The following FHIT variants were observed in gnomAD, a reference collection of about 807,000 sequenced individuals.
FHIT encodes bis(5'-adenosyl)-triphosphatase.
FHIT carries 19 observed loss-of-function variants against 17.9 expected under a neutral mutation model. The ratio of observed to expected loss-of-function variants is 1.06; its 90% CI spans 0.74 to 1.56. FHIT has a LOEUF of 1.56. Among genes scored for constraint, FHIT ranks in the 40% most tolerant of loss-of-function variants. FHIT has a pLI of 0.00. For synonymous variants in FHIT, 81 were observed against 69.7 expected (o/e 1.16, Z -0.81); for missense variants, 248 against 189.2 (o/e 1.31, Z -1.82).
At chr3:61,045,925 T>C (rs1049327655) in intron 2 of FHIT, among the ~76,000 whole-genome samples, 5 of 152,112 alleles carry the variant, frequency 3.3e-5, no homozygotes, top group African/African-American at 9.7e-5. Context: ...GAAATAAAGA[T>C]GTTCTTTGAA....
At chr3:59,945,708 T>C (rs1420874550) in intron 7 of FHIT, among the ~76,000 whole-genome samples, 2 of 152,222 alleles carry the variant, frequency 1.3e-5, no homozygotes, top group Non-Finnish European at 2.9e-5. Flanking sequence ...GAGTTTATTT[T>C]TGCATACATT....
intron 5 of FHIT, among the ~76,000 whole-genome samples, chr3:60,243,467 C>T (rs1485823141): frequency 6.6e-6 from 1 of 152,088 alleles, no homozygotes; most frequent in Non-Finnish European, 1.5e-5. Context: ...AGAGCTTGAC[C>T]TGTGCCTGCA....
chr3:60,310,767 T>A (rs1469643659), intron 5 of FHIT, among the ~76,000 whole-genome samples: 1 of 152,126 alleles, frequency 6.6e-6, no homozygotes, highest in Non-Finnish European at 1.5e-5. Flanking sequence ...ATTTTGAAAT[T>A]TATTTCAAAC....
At chr3:60,439,614 C>T (rs2030612775) in intron 5 of FHIT, among the ~76,000 whole-genome samples, 2 of 152,068 alleles carry the variant, frequency 1.3e-5, no homozygotes, top group South Asian at 4.1e-4. Context: ...GCACATCTCC[C>T]TTCTGATACT....
chr3:60,324,576 A>C (rs1709595250), intron 5 of FHIT, among the ~76,000 whole-genome samples: 1 of 151,820 alleles, frequency 6.6e-6, no homozygotes, highest in African/African-American at 2.4e-5. Context: ...TCCATCAGAA[A>C]AAAAAAAAAA....
intron 8 of FHIT, among the ~76,000 whole-genome samples, chr3:59,819,326 G>A (rs539000098): frequency 2.7e-4 from 41 of 152,004 alleles, no homozygotes; most frequent in Non-Finnish European, 4.3e-4. Flanking sequence ...GCCTAGTTTG[G>A]ACCAAATTAG....
At chr3:60,090,637 T>A (rs771678519) in intron 5 of FHIT, among the ~76,000 whole-genome samples, 3 of 152,194 alleles carry the variant, frequency 2.0e-5, no homozygotes, top group Non-Finnish European at 4.4e-5. Flanking sequence ...GTGACAACCC[T>A]TTCTCTGCTA....
chr3:60,669,290 AC>A (rs1357699094), intron 4 of FHIT, among the ~76,000 whole-genome samples: 1 of 152,228 alleles, frequency 6.6e-6, no homozygotes, highest in African/African-American at 2.4e-5. Context: ...CATAGGAGTA[AC>A]AGGGAGAAAC....
intron 4 of FHIT, among the ~76,000 whole-genome samples, chr3:60,818,204 T>C (rs1701803296): frequency 6.6e-6 from 1 of 152,232 alleles, no homozygotes; most frequent in African/African-American, 2.4e-5. Flanking sequence ...AAATCTTTGT[T>C]AATTCCCACA....
chr3:60,415,265 T>G (rs1161108906), intron 5 of FHIT, among the ~76,000 whole-genome samples: 2 of 152,096 alleles, frequency 1.3e-5, no homozygotes, highest in African/African-American at 2.4e-5. Flanking sequence ...TTTAACAATT[T>G]AAAAAAATAA....
At chr3:60,252,859 G>A (rs191385206) in intron 5 of FHIT, among the ~76,000 whole-genome samples, 18 of 151,896 alleles carry the variant, frequency 1.2e-4, no homozygotes, top group East Asian at 2.0e-4. Context: ...TTAGCCGGGC[G>A]TGGTGGCGGG....
chr3:59,867,065 C>T (rs948103383), intron 8 of FHIT, among the ~76,000 whole-genome samples: 1 of 150,250 alleles, frequency 6.7e-6, no homozygotes, highest in Non-Finnish European at 1.5e-5. Flanking sequence ...CCCTCTTTTA[C>T]AACCACACCA....
At chr3:60,324,017 A>G (rs1345501363) in intron 5 of FHIT, among the ~76,000 whole-genome samples, 1 of 152,168 alleles carries the variant, frequency 6.6e-6, no homozygotes, top group Non-Finnish European at 1.5e-5. Flanking sequence ...TGAGGTCTAG[A>G]ATCCTTTGTT....
intron 4 of FHIT, among the ~76,000 whole-genome samples, chr3:60,810,553 A>G (rs916221487): frequency 6.6e-6 from 1 of 152,228 alleles, no homozygotes; most frequent in Admixed American, 6.5e-5. Flanking sequence ...ACACATTAGT[A>G]GAAAGGTTTC....
At chr3:59,990,188 G>A (rs1442214457) in intron 7 of FHIT, among the ~76,000 whole-genome samples, 8 of 152,072 alleles carry the variant, frequency 5.3e-5, no homozygotes, top group East Asian at 3.9e-4. Flanking sequence ...TGTAATGAGC[G>A]AGTATCATCT....
chr3:60,102,045 C>A lies in FHIT; in HGVS notation c.104-87893G>T, dbSNP rs115032901. Among the ~76,000 whole-genome samples the A allele has an allele frequency of 7.6e-3, 1,151 of 152,268 alleles. 16 individuals carry two copies. Among genetic ancestry groups the A allele is most frequent in the African/African-American group, 0.026 (1,065 of 41,550 alleles). On this transcript the variant is annotated intron_variant, in intron 5 of 9. Coordinates refer to ENST00000492590, the MANE Select transcript of FHIT (RefSeq NM_002012.4). ...ACCAAGGCAAAGTTAAATGTGGCAA[C>A]AATCTGTCAGAAAAGCTGCCTTTTG...
intron 5 of FHIT, among the ~76,000 whole-genome samples, chr3:60,396,152 C>T (rs1701431401): frequency 6.6e-6 from 1 of 152,168 alleles, no homozygotes; most frequent in Non-Finnish European, 1.5e-5. Context: ...TGCCTACTGT[C>T]TGGCCCTCTT....
chr3:60,067,355 T>TG (rs1343405840), intron 5 of FHIT, among the ~76,000 whole-genome samples: 2 of 145,784 alleles, frequency 1.4e-5, no homozygotes, highest in East Asian at 3.9e-4. Flanking sequence ...AATGAATGAA[T>TG]AAGCACACAT....
At position 60,173,898 on chromosome 3, in the gene FHIT, TA is replaced by T. The variant is rs1559698496; in HGVS notation, c.104-159747del. 1.5e-3 allele frequency among the ~76,000 whole-genome samples: 113 copies of T among 74,788 alleles called. 8 individuals are homozygous for T. The East Asian group carries it at 0.063, about 41-fold the overall frequency. 49.1% of individuals were successfully genotyped at this position (74,788 alleles called of 152,430 possible). On this transcript the variant is annotated intron_variant, in intron 5 of 9. Transcript: ENST00000492590. ...TCCATGTTTCTAATATATATATATA[TA>T]TATATATATATATATATGTTTTTTT...
Sources: allele counts gnomAD v4.1 joint callset (sites outside exome capture counted in the v4.1 genomes callset), GRCh38; gene constraint gnomAD v4.1.1; transcripts MANE v1.5; gene names NCBI Gene and HGNC (gene_info 2026-07-23, HGNC 2026-07-21).